The following KIF18B variants were observed in gnomAD, a reference collection of about 807,000 sequenced individuals.
KIF18B encodes the protein kinesin family member 18B.
In KIF18B, 49 loss-of-function variants were observed where a neutral mutation model predicts 80.9. The observed-to-expected ratio is 0.61, with a 90% confidence interval of 0.48 to 0.77. KIF18B has a LOEUF of 0.77. Ranked by LOEUF, KIF18B falls within the 30% of genes least tolerant of loss-of-function variation. KIF18B has a pLI of 0.00. For synonymous variants in KIF18B, 439 were observed against 463.9 expected (o/e 0.95, Z 0.69); for missense variants, 994 against 1,127.7 (o/e 0.88, Z 1.70).
rs955422644 is a variant in KIF18B, at chr17:44,936,044, A to G, written c.301T>C (p.Tyr101His). ...CTGAGGTTCTCACCTGAGCAGTTGT[A>G]GCCCTGGAGGAAGCTGTCCAGGACG... ...HSVLDSFLQG[Y>H]NCSVFAYGAT... is the part of the protein sequence containing the mutation. Residue 101 changes from tyrosine (Y) to histidine (H), a missense_variant, in exon 2 of 16, where the codon TAC becomes CAC. Coordinates refer to ENST00000593135, the MANE Select transcript of KIF18B (RefSeq NM_001265577.2). The G allele has an allele frequency of 1.9e-6, 3 of 1,613,584 alleles. No individual in the cohort carries two copies. Among genetic ancestry groups the G allele is most frequent in the Non-Finnish European group, 2.5e-6 (3 of 1,179,850 alleles).
chr17:44,927,852 C>CACCT lies in KIF18B; in HGVS notation c.2276+170_2276+173dup, dbSNP rs539409373. Reference sequence around the variant, plus strand: ...CAGGCAGGGGCCCCAGGAGAAGTGACACCTCCCTGGCAGCTGTTGGGCCTG... The same window carrying CACCT: ...CAGGCAGGGGCCCCAGGAGAAGTGACACCTACCTCCCTGGCAGCTGTTGGGCCTG... On this transcript the variant is annotated intron_variant, in intron 13 of 15. Transcript: ENST00000593135. This position sits in a 1 kb window ranked among gnomAD's most constrained non-coding sequence, Gnocchi z 4.1. Among the ~76,000 whole-genome samples, 24 of 152,296 alleles carry CACCT rather than the reference C, an allele frequency of 1.6e-4. No individual in the cohort carries two copies. The East Asian group carries it at 2.3e-3, about 15-fold the overall frequency.
chr17:44,928,514 C>T lies in KIF18B; in HGVS notation c.1788G>A (p.Met596Ile). 1 of 1,486,326 alleles carries T rather than the reference C, an allele frequency of 6.7e-7. No individual in the cohort carries two copies. The highest frequency in any genetic ancestry group is 8.9e-7 in the Non-Finnish European group (1 of 1,123,552). 92.1% of individuals were successfully genotyped at this position (1,486,326 alleles called of 1,614,324 possible). Residue 596 changes from methionine to isoleucine, a missense_variant, in exon 13 of 16, where the codon ATG becomes ATA. By Grantham distance (10) the Met-to-Ile change is conservative. Coordinates refer to ENST00000593135, the MANE Select transcript of KIF18B (RefSeq NM_001265577.2). ...GCAGGGGGCCACTCAGTCGCCTCGCCATAGTCCGGGTCACAGGGCCAGTGT... is the reference window on the plus strand; with the variant it reads ...GCAGGGGGCCACTCAGTCGCCTCGCTATAGTCCGGGTCACAGGGCCAGTGT... ...PGYTGPVTRTMARRLSGPLHT... is the reference protein window; with the variant it reads ...PGYTGPVTRTIARRLSGPLHT...
intron 1 of KIF18B, among the ~76,000 whole-genome samples, chr17:44,936,618 A>C (rs1326422006): frequency 1.4e-5 from 1 of 72,756 alleles, no homozygotes; most frequent in African/African-American, 6.0e-5. Flanking sequence ...ATATATATAT[A>C]TATATATTTT....
At position 44,933,916 on chromosome 17, in the gene KIF18B, CA is replaced by C. The variant is rs1567791997; in HGVS notation, c.1062+6del. On this transcript the variant is annotated splice_donor_region_variant and intron_variant, in intron 7 of 15. Transcript: ENST00000593135. ...CCACGCCCAAGCCGGCCCTGGCTGG[CA>C]CGCACCGAGAGCCTGATCTCCTTGG... The C allele has an allele frequency of 6.4e-7, 1 of 1,551,970 alleles. No homozygotes were observed. The highest frequency in any genetic ancestry group is 1.9e-5 in the Admixed American group (1 of 51,688).
At position 44,934,574 on chromosome 17, in the gene KIF18B, T is replaced by G. The variant is rs1227707675; in HGVS notation, c.620A>C (p.Asn207Thr). 3.7e-6 allele frequency: 6 copies of G among 1,612,424 alleles called. No individual in the cohort carries two copies. The African/African-American group carries it at 8.0e-5, about 22-fold the overall frequency. ...AGTGGGGTGCTGCGTGCGGTTACGG[T>G]TCCCCCTGGTCAGTATCTCCAGCAG... ...EQLLEILTRG[N>T]RNRTQHPTDA... Residue 207 changes from asparagine (N) to threonine (T), a missense_variant, in exon 5 of 16, where the codon AAC (asparagine) becomes ACC (threonine). Physicochemically the swap from Asn to Thr is moderately conservative, Grantham distance 65. Coordinates refer to ENST00000593135, the MANE Select transcript of KIF18B (RefSeq NM_001265577.2). This position sits in a 1 kb window ranked among gnomAD's most constrained non-coding sequence, Gnocchi z 5.4.
chr17:44,929,942 A>T (rs2052112335), intron 11 of KIF18B, among the ~76,000 whole-genome samples: 1 of 152,212 alleles, frequency 6.6e-6, no homozygotes, highest in African/African-American at 2.4e-5. Flanking sequence ...TGTAAGGCAC[A>T]CCTATGATAA....
At position 44,928,246 on chromosome 17, in the gene KIF18B, A is replaced by T; in HGVS notation, c.2056T>A (p.Ser686Thr). 2 of 1,613,162 alleles carry T rather than the reference A, an allele frequency of 1.2e-6. No homozygotes were observed. Among genetic ancestry groups the T allele is most frequent in the Non-Finnish European group, 1.7e-6 (2 of 1,179,650 alleles). ...ACTGTGGCTGGGCAAACGCGAGGGG[A>T]ATGGCAGGGGGAGGAGGCCCTTTCT... Reference protein sequence around the residue: ...KGERASSPCHSPRVCPATVIK... With the variant: ...KGERASSPCHTPRVCPATVIK... The change falls in exon 13 of 16, where the codon TCC becomes ACC. Residue 686 changes from serine to threonine, a missense_variant. Coordinates refer to ENST00000593135, the MANE Select transcript of KIF18B (RefSeq NM_001265577.2).
rs1329546354 is a variant in KIF18B at position 44,947,745 on chromosome 17, A to G, written c.-132T>C. 1 of 152,014 alleles carries G rather than the reference A, an allele frequency of 6.6e-6. No homozygotes were observed. The highest frequency in any genetic ancestry group is 1.5e-5 in the Non-Finnish European group (1 of 68,048). The allele number at this position is 152,014 out of a possible 1,614,324, so 9.4% of individuals were successfully genotyped here. Reference sequence around the variant, plus strand: ...CCCACACCCTCCCCTACCCGCGCCAACCTCCACCCGGCGCCTTGCGTTCAA... The same window carrying G: ...CCCACACCCTCCCCTACCCGCGCCAGCCTCCACCCGGCGCCTTGCGTTCAA... On this transcript the variant is annotated 5_prime_UTR_variant, in exon 1 of 16. Transcript: ENST00000593135.
In KIF18B at chr17:44,936,378, G is replaced by A; in HGVS notation, c.-14-20C>T. The A allele has an allele frequency of 6.4e-7, 1 of 1,570,334 alleles. No individual in the cohort carries two copies. The highest frequency in any genetic ancestry group is 8.6e-7 in the Non-Finnish European group (1 of 1,159,470). On this transcript the variant is annotated intron_variant, in intron 1 of 15. Coordinates refer to ENST00000593135, the MANE Select transcript of KIF18B (RefSeq NM_001265577.2). ...TGACACCTGGGTGAGACATGGTGGA[G>A]CTGAGGACCAATCCCACCCCAGGCC... is the stretch of plus-strand genomic sequence containing the variant.
chr17:44,932,685 G>A lies in KIF18B; in HGVS notation c.1226C>T (p.Pro409Leu), dbSNP rs1325810228. ...QDLPGSPKSG[P>L]PPEHQPCTPE... is the part of the protein sequence containing the mutation. ...CAGTGGAACTCACTGTTCTGGTGGT[G>A]GTCCCGACTTGGGAGATCCTGGGAG... Residue 409 changes from proline to leucine, a missense_variant, in exon 9 of 16, where the codon CCA becomes CTA. Transcript: ENST00000593135. 5 of 1,609,042 alleles carry A rather than the reference G, an allele frequency of 3.1e-6. No individual in the cohort carries two copies. Among genetic ancestry groups the A allele is most frequent in the Non-Finnish European group, 4.2e-6 (5 of 1,176,994 alleles).
At chr17:44,930,175 G>T (rs1474396563) in intron 11 of KIF18B, among the ~76,000 whole-genome samples, 1 of 152,134 alleles carries the variant, frequency 6.6e-6, no homozygotes, top group Non-Finnish European at 1.5e-5. Context: ...ATATCTGCAC[G>T]GGCCACACAT....
Position 44,927,970 on chromosome 17 carries a change from C to G in KIF18B, c.2276+56G>C. 7.1e-7 allele frequency: 1 copy of G among 1,406,700 alleles called. No individual in the cohort carries two copies. The highest frequency in any genetic ancestry group is 9.6e-7 in the Non-Finnish European group (1 of 1,045,050). 87.1% of individuals were successfully genotyped at this position (1,406,700 alleles called of 1,614,324 possible). A position where few individuals can be genotyped will look rare whatever the true frequency, so the allele number is the denominator to read the frequency against. Reference sequence around the variant, plus strand: ...ATACTTCTCAGCAGCACCAAGAAGTCCCTTGCTGACCACTGACCACTGACA... The same window carrying G: ...ATACTTCTCAGCAGCACCAAGAAGTGCCTTGCTGACCACTGACCACTGACA... On this transcript the variant is annotated intron_variant, in intron 13 of 15. Coordinates refer to ENST00000593135, the MANE Select transcript of KIF18B (RefSeq NM_001265577.2). This position sits in a 1 kb window ranked among gnomAD's most constrained non-coding sequence, Gnocchi z 4.1.
intron 1 of KIF18B, among the ~76,000 whole-genome samples, chr17:44,943,192 T>C (rs1008832884): frequency 1.3e-5 from 2 of 152,104 alleles, no homozygotes; most frequent in Admixed American, 6.5e-5. Context: ...CTCCGCCTCC[T>C]GGGTTCATGC....
chr17:44,934,894 C>A lies in KIF18B; in HGVS notation c.513G>T (p.Gly171=). The A allele has an allele frequency of 6.4e-7, 1 of 1,551,856 alleles. No homozygotes were observed. Among genetic ancestry groups the A allele is most frequent in the Non-Finnish European group, 8.7e-7 (1 of 1,146,732 alleles). The change falls in exon 4 of 16, where the codon GGG becomes GGT. Residue 171 remains glycine (G), a synonymous_variant. Transcript: ENST00000593135. The surrounding 1 kb of genome is among the most constrained non-coding windows in gnomAD (Gnocchi z 5.4). ...EQIHDLLEPK[G]PLAIREDPDK... ...CGGGGTCCTCGCGGATGGCAAGGGG[C>A]CCCTTGGGCTCCAGGAGGTCATGGA...
At chr17:44,930,122 AG>A (rs1475000538) in intron 11 of KIF18B, among the ~76,000 whole-genome samples, 1 of 152,214 alleles carries the variant, frequency 6.6e-6, no homozygotes, top group East Asian at 1.9e-4. Flanking sequence ...TTTTGAAAAA[AG>A]GCAGGATATA....
At chr17:44,944,382 A>C (rs746067994) in intron 1 of KIF18B, among the ~76,000 whole-genome samples, 1 of 151,960 alleles carries the variant, frequency 6.6e-6, no homozygotes, top group Non-Finnish European at 1.5e-5. Context: ...AGCTGGGACT[A>C]CAGGTGCCTG....
intron 1 of KIF18B, among the ~76,000 whole-genome samples, chr17:44,936,586 C>CTA (rs2052302738): frequency 1.7e-5 from 1 of 57,894 alleles, no homozygotes; most frequent in Non-Finnish European, 3.6e-5. Context: ...CTCTCTCTCT[C>CTA]TCTCTCTCTC....
In KIF18B at chr17:44,928,204, G is replaced by C; in HGVS notation, c.2098C>G (p.Pro700Ala). The C allele has an allele frequency of 6.2e-7, 1 of 1,612,690 alleles. No individual in the cohort carries two copies. The highest frequency in any genetic ancestry group is 8.5e-7 in the Non-Finnish European group (1 of 1,179,258). ...TTCTGCATGGCGGAAGGGCCCAGGG[G>C]CACCCGGCTTTTGATGACTGTGGCT... Reference protein sequence around the residue: ...CPATVIKSRVPLGPSAMQNCS... With the variant: ...CPATVIKSRVALGPSAMQNCS... Residue 700 changes from proline (P) to alanine (A), a missense_variant, in exon 13 of 16, where the codon CCC becomes GCC. Physicochemically the swap from Pro to Ala is conservative, Grantham distance 27. Coordinates refer to ENST00000593135, the MANE Select transcript of KIF18B (RefSeq NM_001265577.2).
rs372311738 is a variant in KIF18B at position 44,931,696 on chromosome 17, G to C, written c.1423C>G (p.His475Asp). The C allele has an allele frequency of 3.7e-6, 6 of 1,613,892 alleles. No homozygotes were observed. The highest frequency in any genetic ancestry group is 3.4e-6 in the Non-Finnish European group (4 of 1,179,904). ...PTQMPEQNPT[H>D]ALPESPRLTL... is the part of the protein sequence containing the mutation. ...AGGCGAGGGGACTCTGGCAGTGCAT[G>C]TGTGGGGTTCTGCTCTGGCATCTGG... Residue 475 changes from histidine (H) to aspartate (D), a missense_variant, in exon 11 of 16, where the codon CAT becomes GAT. By Grantham distance (81) the His-to-Asp change is moderately conservative. Transcript: ENST00000593135.
Sources: allele counts gnomAD v4.1 joint callset (sites outside exome capture counted in the v4.1 genomes callset), GRCh38; gene constraint gnomAD v4.1.1; non-coding constraint Gnocchi (gnomAD v3.1); transcripts MANE v1.5; gene names NCBI Gene and HGNC (gene_info 2026-07-23, HGNC 2026-07-21).